Variants in PPP2R2B observed in about 807,000 individuals in gnomAD.
PPP2R2B encodes serine/threonine-protein phosphatase 2A 55 kDa regulatory subunit B beta isoform.
PPP2R2B carries 5 observed loss-of-function variants against 46.0 expected under a neutral mutation model. The observed-to-expected ratio is 0.11, with a 90% CI of 0.06 to 0.23. The LOEUF is 0.23. Ranked by LOEUF, PPP2R2B falls within the 10% of genes least tolerant of loss-of-function variation. The pLI, the probability that PPP2R2B is intolerant of heterozygous loss-of-function variation, is 1.00. For missense variants in PPP2R2B, 367 were observed against 575.0 expected (o/e 0.64, Z 3.70); for synonymous variants, 215 against 206.7 (o/e 1.04, Z -0.34).
At chr5:146,684,202 A>G (rs182709730) in intron 5 of PPP2R2B, among the ~76,000 whole-genome samples, 31 of 152,340 alleles carry the variant, frequency 2.0e-4, no homozygotes, top group Admixed American at 6.5e-4. Flanking sequence ...CCAGAGCAGC[A>G]ATAAATCACA....
chr5:146,598,866 A>AAT (rs1771494869), intron 8 of PPP2R2B, among the ~76,000 whole-genome samples: 1 of 152,182 alleles, frequency 6.6e-6, no homozygotes, highest in Non-Finnish European at 1.5e-5. Context: ...GCACAACCAG[A>AAT]ATGTTCATTT....
chr5:146,765,222 G>A (rs72813710), intron 2 of PPP2R2B, among the ~76,000 whole-genome samples: 55 of 152,300 alleles, frequency 3.6e-4, no homozygotes, highest in Middle Eastern at 6.8e-3. Context: ...ATTATAAGAT[G>A]TAGTTTTCAT....
intron 2 of PPP2R2B, among the ~76,000 whole-genome samples, chr5:146,716,331 T>C (rs1780496543): frequency 6.6e-6 from 1 of 152,200 alleles, no homozygotes. Flanking sequence ...CTTACATGTG[T>C]ACTTGTTCTA....
chr5:146,682,320 T>C (rs921874421), intron 5 of PPP2R2B, among the ~76,000 whole-genome samples: 3 of 152,182 alleles, frequency 2.0e-5, no homozygotes, highest in Admixed American at 6.5e-5. Flanking sequence ...CATGCTTTCC[T>C]GAAACTCCTA....
At chr5:146,865,661 T>G (rs1456081830) in intron 2 of PPP2R2B, among the ~76,000 whole-genome samples, 1 of 152,232 alleles carries the variant, frequency 6.6e-6, no homozygotes, top group African/African-American at 2.4e-5. Flanking sequence ...AGTGAACTAT[T>G]GGACAGACAC....
chr5:146,736,382 C>A (rs1355986307), intron 2 of PPP2R2B, among the ~76,000 whole-genome samples: 3 of 152,146 alleles, frequency 2.0e-5, no homozygotes, highest in Non-Finnish European at 2.9e-5. Context: ...ATTTTACATG[C>A]ATTTGCTCCT....
chr5:146,629,948 G>T (rs770673052), intron 7 of PPP2R2B, among the ~76,000 whole-genome samples: 4 of 152,078 alleles, frequency 2.6e-5, no homozygotes, highest in Non-Finnish European at 5.9e-5. Flanking sequence ...TGAGTAGCTG[G>T]GATTATAGGT....
intron 1 of PPP2R2B, among the ~76,000 whole-genome samples, chr5:147,001,551 C>A (rs1305545660): frequency 2.0e-5 from 3 of 152,194 alleles, no homozygotes; most frequent in Non-Finnish European, 4.4e-5. Flanking sequence ...TCTTTAAGAA[C>A]TGTAACACTC....
chr5:146,677,492 T>A (rs1209513980), intron 5 of PPP2R2B, among the ~76,000 whole-genome samples: 1 of 151,946 alleles, frequency 6.6e-6, no homozygotes, highest in Admixed American at 6.6e-5. Flanking sequence ...TATCATGCTA[T>A]GATCTTATAC....
At chr5:146,884,322 AG>A (rs1432003283) in intron 1 of PPP2R2B, among the ~76,000 whole-genome samples, 1 of 152,058 alleles carries the variant, frequency 6.6e-6, no homozygotes, top group African/African-American at 2.4e-5. Context: ...CCTTTCCCTG[AG>A]GGTTTCCCAT....
intron 2 of PPP2R2B, among the ~76,000 whole-genome samples, chr5:146,815,090 TC>T (rs1248434227): frequency 1.3e-5 from 2 of 152,208 alleles, no homozygotes; most frequent in Non-Finnish European, 2.9e-5. Flanking sequence ...CTATCCTACT[TC>T]TGCAGAGCTG....
chr5:146,992,994 G>C (rs1325211094), intron 1 of PPP2R2B, among the ~76,000 whole-genome samples: 1 of 152,128 alleles, frequency 6.6e-6, no homozygotes, highest in Non-Finnish European at 1.5e-5. Flanking sequence ...CCAGGCTAGA[G>C]TGCAATGACA....
At chr5:146,773,822 GT>G (rs1468591708) in intron 2 of PPP2R2B, among the ~76,000 whole-genome samples, 5 of 152,132 alleles carry the variant, frequency 3.3e-5, no homozygotes, top group African/African-American at 1.2e-4. Context: ...ATTGCCATGA[GT>G]TTTTTGTTTA....
At chr5:146,823,762 T>C (rs1445006899) in intron 2 of PPP2R2B, among the ~76,000 whole-genome samples, 1 of 152,160 alleles carries the variant, frequency 6.6e-6, no homozygotes, top group East Asian at 1.9e-4. Context: ...TTTTAATAAC[T>C]TGAAAAAATA....
intron 7 of PPP2R2B, among the ~76,000 whole-genome samples, chr5:146,609,812 C>T (rs1440441604): frequency 2.2e-5 from 3 of 134,638 alleles, no homozygotes; most frequent in South Asian, 2.7e-4. Context: ...CACCACGAGA[C>T]TATATCCCAC....
chr5:146,764,871 T>C (rs1286561786), intron 2 of PPP2R2B, among the ~76,000 whole-genome samples: 8 of 152,030 alleles, frequency 5.3e-5, no homozygotes, highest in African/African-American at 1.9e-4. Context: ...CTCTGCCCCA[T>C]CTAAACCATC....
chr5:146,819,025 A>G (rs929480184), intron 2 of PPP2R2B, among the ~76,000 whole-genome samples: 1 of 152,184 alleles, frequency 6.6e-6, no homozygotes, highest in African/African-American at 2.4e-5. Context: ...AAAATCAAAC[A>G]TTCCTACCAA....
intron 2 of PPP2R2B, among the ~76,000 whole-genome samples, chr5:146,869,975 T>C (rs1761519552): frequency 6.6e-6 from 1 of 152,122 alleles, no homozygotes. Context: ...GGGACCCAAG[T>C]TCTATCTTTC....
At chr5:146,780,069 A>G (rs918802747) in intron 2 of PPP2R2B, among the ~76,000 whole-genome samples, 15 of 152,084 alleles carry the variant, frequency 9.9e-5, no homozygotes, top group African/African-American at 3.6e-4. Flanking sequence ...GTGGGGTTAA[A>G]TTTTTCTCCA....
Sources: allele counts gnomAD v4.1 joint callset (sites outside exome capture counted in the v4.1 genomes callset), GRCh38; gene constraint gnomAD v4.1.1; transcripts MANE v1.5; gene names NCBI Gene and HGNC (gene_info 2026-07-23, HGNC 2026-07-21).